Variants in DPM1 observed in about 807,000 individuals in gnomAD.
DPM1 encodes dolichyl-phosphate mannosyltransferase subunit 1, catalytic.
A neutral mutation model predicts 39.0 loss-of-function variants in DPM1; 27 were observed. The ratio of observed to expected loss-of-function variants is 0.69; its 90% CI spans 0.51 to 0.95. The LOEUF (loss-of-function observed/expected upper bound fraction) is 0.95, where lower values mean the gene tolerates loss of function less well. Among genes scored for constraint, DPM1 ranks in the 40% least tolerant of loss-of-function variants. DPM1 has a pLI of 0.00. For missense variants in DPM1, 307 were observed against 315.6 expected (o/e 0.97, Z 0.21); for synonymous variants, 124 against 109.0 (o/e 1.14, Z -0.86).
chr20:50,944,181 C>G (rs1043321799), intron 5 of DPM1, among the ~76,000 whole-genome samples: 4 of 152,216 alleles, frequency 2.6e-5, no homozygotes, highest in African/African-American at 9.7e-5. Context: ...GATATTACTA[C>G]TGCTCTAAAA....
At chr20:50,938,430 G>T (rs1985401305) in intron 7 of DPM1, among the ~76,000 whole-genome samples, 1 of 150,426 alleles carries the variant, frequency 6.6e-6, no homozygotes, top group East Asian at 2.0e-4. Context: ...CTGTCGCCCA[G>T]GCTAGAGTGC....
chr20:50,936,072 T>A, intron 8 of DPM1, 76 bp downstream of exon 8: 1 of 1,103,212 alleles, frequency 9.1e-7, no homozygotes, highest in Non-Finnish European at 1.4e-6. Flanking sequence ...AAAGTTAAAC[T>A]TTTTATTATA....
At chr20:50,940,292 T>TA (rs373221228) in intron 7 of DPM1, among the ~76,000 whole-genome samples, 39 of 147,454 alleles carry the variant, frequency 2.6e-4, no homozygotes, top group Middle Eastern at 3.5e-3. Context: ...TTTCAGAGAT[T>TA]AAAAAAAAAA....
intron 7 of DPM1, among the ~76,000 whole-genome samples, chr20:50,939,552 G>T (rs1187803416): frequency 6.6e-6 from 1 of 151,838 alleles, no homozygotes; most frequent in Non-Finnish European, 1.5e-5. Flanking sequence ...GGATGGTCTC[G>T]ATCTCCTGAC....
intron 1 of DPM1, among the ~76,000 whole-genome samples, chr20:50,957,056 A>G (rs1483532992): frequency 1.3e-5 from 2 of 152,248 alleles, no homozygotes; most frequent in Non-Finnish European, 2.9e-5. Context: ...ACAAGCCCTG[A>G]ACGAGATCGG....
At chr20:50,938,911 G>A (rs144868932) in intron 7 of DPM1, among the ~76,000 whole-genome samples, 1,647 of 151,962 alleles carry the variant, frequency 0.011, 31 homozygotes, top group African/African-American at 0.036. Flanking sequence ...CCTGGGAGGC[G>A]GAGGTTGTGG....
chr20:50,951,091 T>A (rs938780673), intron 2 of DPM1, among the ~76,000 whole-genome samples: 3 of 152,154 alleles, frequency 2.0e-5, no homozygotes, highest in Non-Finnish European at 4.4e-5. Context: ...AATAAAACAA[T>A]TACAACAATA....
Position 50,935,140 on chromosome 20 carries a change from T to C in DPM1, c.775A>G (p.Thr259Ala). 1 of 1,563,712 alleles carries C rather than the reference T, an allele frequency of 6.4e-7. No individual in the cohort carries two copies. Among genetic ancestry groups the C allele is most frequent in the Non-Finnish European group, 8.8e-7 (1 of 1,135,406 alleles). Residue 259 changes from threonine to alanine, a missense_variant, in exon 9 of 9, where the codon ACT (threonine) becomes GCT (alanine). Coordinates refer to ENST00000371588, the MANE Select transcript of DPM1 (RefSeq NM_003859.3). Reference sequence around the variant, plus strand: ...AAATGAGTATCTTTCTTTTATGTAGTAGCAAAAAGAGTCAATAATCCTTTC... The same window carrying C: ...AAATGAGTATCTTTCTTTTATGTAGCAGCAAAAAGAGTCAATAATCCTTTC... ...FLKGLLTLFA[T>A]T
Position 50,958,494 on chromosome 20 carries a change from A to T in DPM1, c.30T>A (p.Pro10=). The stretch of plus-strand genomic sequence containing the variant: ...CTTCCAGCTCCCGCCGAGACCTGCG[A>T]GGACTACGACTGACTTCCAAGGAGG... The part of the protein sequence containing the change: MASLEVSRS[P]RRSRRELEVR... Residue 10 remains proline, a synonymous_variant, in exon 1 of 9, where the codon CCT becomes CCA. Coordinates refer to ENST00000371588, the MANE Select transcript of DPM1 (RefSeq NM_003859.3). The T allele has an allele frequency of 6.2e-7, 1 of 1,612,962 alleles. No individual in the cohort carries two copies. The highest frequency in any genetic ancestry group is 8.5e-7 in the Non-Finnish European group (1 of 1,179,788).
chr20:50,957,822 C>T (rs1174367883), intron 1 of DPM1, among the ~76,000 whole-genome samples: 1 of 152,180 alleles, frequency 6.6e-6, no homozygotes. Flanking sequence ...CCACCCACCC[C>T]CCATCCCGGT....
intron 2 of DPM1, among the ~76,000 whole-genome samples, chr20:50,951,498 T>C (rs567897820): frequency 6.6e-6 from 1 of 152,224 alleles, no homozygotes; most frequent in Non-Finnish European, 1.5e-5. Context: ...CTATAGAAAA[T>C]GTTCATCAGG....
In DPM1 at chr20:50,958,527, G is replaced by A. The variant is rs771703993; in HGVS notation, c.-4C>T. 3.7e-5 allele frequency: 59 copies of A among 1,613,376 alleles called. 1 individual carries two copies. The East Asian group carries it at 1.0e-3, about 29-fold the overall frequency. ...GACTGACTTCCAAGGAGGCCATGGC[G>A]GAACTGAGCCAGATGCCGGAAGCGG... On this transcript the variant is annotated 5_prime_UTR_variant, in exon 1 of 9. Transcript: ENST00000371588.
At chr20:50,954,397 T>C (rs552250788) in intron 2 of DPM1, among the ~76,000 whole-genome samples, 98 of 152,244 alleles carry the variant, frequency 6.4e-4, no homozygotes, top group Non-Finnish European at 1.2e-3. Context: ...CTGAACATCC[T>C]ACAATAAACA....
At chr20:50,940,748 C>T in intron 7 of DPM1, 117 bp downstream of exon 7, 1 of 882,914 alleles carries the variant, frequency 1.1e-6, no homozygotes. Flanking sequence ...TTTAGTCTGC[C>T]TTTTTAGTAT....
At chr20:50,955,388 G>T in intron 1 of DPM1, 103 bp from the exon 2 acceptor site, 1 of 812,604 alleles carries the variant, frequency 1.2e-6, no homozygotes, top group Non-Finnish European at 2.0e-6. Context: ...GAGATGTATT[G>T]CTATATTAAT....
At chr20:50,941,374 T>TA (rs1568763012) in intron 6 of DPM1, among the ~76,000 whole-genome samples, 24 of 142,812 alleles carry the variant, frequency 1.7e-4, no homozygotes, top group African/African-American at 6.1e-4. Context: ...TATATTCATA[T>TA]TATATATATT....
chr20:50,946,012 G>A (rs576969809), intron 3 of DPM1, 89 bp from the exon 4 acceptor site: 6 of 1,102,668 alleles, frequency 5.4e-6, no homozygotes, highest in Admixed American at 3.4e-5. Context: ...AGCACCTGAA[G>A]AGCACACATT....
intron 7 of DPM1, among the ~76,000 whole-genome samples, chr20:50,936,997 T>C (rs1985222117): frequency 6.6e-6 from 1 of 151,920 alleles, no homozygotes. Context: ...CCAAGCACTT[T>C]CTTCAGTAAC....
intron 1 of DPM1, among the ~76,000 whole-genome samples, chr20:50,958,035 AGAGG>A (rs1043007556): frequency 1.7e-4 from 26 of 152,232 alleles, no homozygotes; most frequent in Admixed American, 5.9e-4. Flanking sequence ...CTGACCGCCT[AGAGG>A]GAGGAGTGGG....
Sources: allele counts gnomAD v4.1 joint callset (sites outside exome capture counted in the v4.1 genomes callset), GRCh38; gene constraint gnomAD v4.1.1; transcripts MANE v1.5; gene names NCBI Gene and HGNC (gene_info 2026-07-23, HGNC 2026-07-21).